CDKAL1: variants seen among roughly 807,000 people sequenced by gnomAD.
CDKAL1 encodes the protein threonylcarbamoyladenosine tRNA methylthiotransferase.
CDKAL1 carries 32 observed loss-of-function variants against 68.2 expected under a neutral mutation model. That is an observed-to-expected ratio of 0.47 (90% confidence interval 0.35 to 0.63). The LOEUF is 0.63. Ranked by LOEUF, CDKAL1 falls within the 30% of genes least tolerant of loss-of-function variation. The pLI is 0.00. For missense variants in CDKAL1, 606 were observed against 696.7 expected, an observed-to-expected ratio of 0.87 and a Z score of 1.47; for synonymous variants, 234 against 244.3, an observed-to-expected ratio of 0.96 and a Z score of 0.39.
At chr6:21,132,968 C>G (rs1775406609) in intron 13 of CDKAL1, among the ~76,000 whole-genome samples, 1 of 152,008 alleles carries the variant, frequency 6.6e-6, no homozygotes, top group Non-Finnish European at 1.5e-5. Flanking sequence ...CCTTGTGTTT[C>G]TATAGTTATT....
intron 13 of CDKAL1, among the ~76,000 whole-genome samples, chr6:21,186,463 A>C (rs1287855492): frequency 6.6e-6 from 1 of 152,170 alleles, no homozygotes; most frequent in African/African-American, 2.4e-5. Flanking sequence ...ACTGTTTTTT[A>C]TATGGTTGCT....
intron 4 of CDKAL1, among the ~76,000 whole-genome samples, chr6:20,606,097 C>G (rs972913662): frequency 2.0e-5 from 3 of 152,098 alleles, no homozygotes; most frequent in South Asian, 2.1e-4. Context: ...TCAGGGGTCA[C>G]TGTTCTGCAT....
At chr6:21,221,793 T>A (rs568405317) in intron 15 of CDKAL1, among the ~76,000 whole-genome samples, 1 of 152,314 alleles carries the variant, frequency 6.6e-6, no homozygotes, top group South Asian at 2.1e-4. Flanking sequence ...ACATGAGAAA[T>A]GTTTTGAAGC....
At position 20,851,595 on chromosome 6, in the gene CDKAL1, T is replaced by G. The variant is rs79663537; in HGVS notation, c.742+5417T>G. On this transcript the variant is annotated intron_variant, in intron 9 of 15. Coordinates refer to ENST00000274695, the MANE Select transcript of CDKAL1 (RefSeq NM_017774.3). Reference sequence around the variant, plus strand: ...CTCCCTCATAAATCTGAAAAGCCCCTGCAAGATAAGTGGCATAAACTGGTT... The same window carrying G: ...CTCCCTCATAAATCTGAAAAGCCCCGGCAAGATAAGTGGCATAAACTGGTT... Among the ~76,000 whole-genome samples the G allele has an allele frequency of 7.8e-3, 1,183 of 152,212 alleles. 12 individuals are homozygous for G. Among genetic ancestry groups the G allele is most frequent in the African/African-American group, 0.027 (1,131 of 41,520 alleles).
chr6:21,003,371 TACAC>T lies in CDKAL1; in HGVS notation c.1055+3015_1055+3018del, dbSNP rs55839331. Reference sequence around the variant, plus strand: ...ATATATATATATATATATATATATATACACACACACACACACACATATATACACA... The same window carrying T: ...ATATATATATATATATATATATATATACACACACACACACATATATACACA... On this transcript the variant is annotated intron_variant, in intron 11 of 15. Coordinates refer to ENST00000274695, the MANE Select transcript of CDKAL1 (RefSeq NM_017774.3). Among the ~76,000 whole-genome samples, 135 of 49,286 alleles carry T rather than the reference TACAC, an allele frequency of 2.7e-3. 1 individual carries two copies. The highest frequency in any genetic ancestry group is 7.2e-3 in the Admixed American group (25 of 3,480). The allele number at this position is 49,286 out of a possible 152,430, so 32.3% of individuals were successfully genotyped here.
chr6:21,075,889 T>C (rs1236466491), intron 12 of CDKAL1, among the ~76,000 whole-genome samples: 1 of 152,200 alleles, frequency 6.6e-6, no homozygotes, highest in Non-Finnish European at 1.5e-5. Flanking sequence ...ATCTTTATAT[T>C]AGGAGTCTTA....
intron 5 of CDKAL1, among the ~76,000 whole-genome samples, chr6:20,737,944 G>C (rs1177805772): frequency 6.6e-6 from 1 of 152,166 alleles, no homozygotes. Context: ...ATCACAAAGA[G>C]CCCAATTTTT....
chr6:20,905,084 A>G (rs1018104248), intron 9 of CDKAL1, among the ~76,000 whole-genome samples: 1 of 152,214 alleles, frequency 6.6e-6, no homozygotes, highest in South Asian at 2.1e-4. Flanking sequence ...ACTGAAAGGA[A>G]AAAATAAAAC....
chr6:21,025,103 G>C (rs1768886208), intron 11 of CDKAL1, among the ~76,000 whole-genome samples: 1 of 152,140 alleles, frequency 6.6e-6, no homozygotes, highest in Non-Finnish European at 1.5e-5. Flanking sequence ...AAATCCACTT[G>C]TCTGATATAA....
intron 12 of CDKAL1, among the ~76,000 whole-genome samples, chr6:21,071,889 A>G (rs781671268): frequency 2.6e-5 from 4 of 152,156 alleles, no homozygotes; most frequent in Non-Finnish European, 4.4e-5. Context: ...GTGTTTAACA[A>G]GTGACTCTCG....
chr6:20,793,028 A>G (rs1775962467), intron 8 of CDKAL1, among the ~76,000 whole-genome samples: 1 of 152,084 alleles, frequency 6.6e-6, no homozygotes, highest in Non-Finnish European at 1.5e-5. Context: ...GGTGTACAAC[A>G]TGTATGTCAT....
At chr6:21,004,782 G>A (rs1007801124) in intron 11 of CDKAL1, among the ~76,000 whole-genome samples, 4 of 151,780 alleles carry the variant, frequency 2.6e-5, no homozygotes, top group East Asian at 1.9e-4. Flanking sequence ...CTGTGAGACC[G>A]TATCTCTACA....
chr6:20,857,077 G>C (rs568777010), intron 9 of CDKAL1, among the ~76,000 whole-genome samples: 5 of 152,116 alleles, frequency 3.3e-5, no homozygotes, highest in African/African-American at 9.6e-5. Context: ...TTTGTTAGTG[G>C]GACCTTGGCT....
At chr6:21,226,987 G>C (rs1045662319) in intron 15 of CDKAL1, among the ~76,000 whole-genome samples, 2 of 152,338 alleles carry the variant, frequency 1.3e-5, no homozygotes, top group Non-Finnish European at 2.9e-5. Context: ...GATTGTAGGC[G>C]TGAGCCACCG....
intron 10 of CDKAL1, among the ~76,000 whole-genome samples, chr6:20,968,706 A>C (rs967936155): frequency 2.6e-5 from 4 of 151,688 alleles, no homozygotes; most frequent in African/African-American, 7.3e-5. Context: ...AGTAATTTTT[A>C]AATTTTAGTT....
Position 21,201,099 on chromosome 6 carries a change from ATG to A in CDKAL1, c.1384-7_1384-6del, listed in dbSNP as rs1253443656. ...TTTAAAAATTAAGCCTCTGAAACAA[ATG>A]TGTTTAAGGTTTTAGTGCCAAAGAA... On this transcript the variant is annotated splice_polypyrimidine_tract_variant and intron_variant, in intron 14 of 15. Coordinates refer to ENST00000274695, the MANE Select transcript of CDKAL1 (RefSeq NM_017774.3). The A allele has an allele frequency of 6.3e-7, 1 of 1,591,564 alleles. No homozygotes were observed. Among genetic ancestry groups the A allele is most frequent in the Non-Finnish European group, 8.6e-7 (1 of 1,164,970 alleles).
chr6:20,594,119 G>A (rs1329041323), intron 4 of CDKAL1, among the ~76,000 whole-genome samples: 9 of 152,224 alleles, frequency 5.9e-5, no homozygotes, highest in African/African-American at 2.2e-4. Context: ...TTTAGAGTAA[G>A]TGTGATGTGG....
At chr6:20,762,984 T>G (rs1774536104) in intron 7 of CDKAL1, among the ~76,000 whole-genome samples, 1 of 152,200 alleles carries the variant, frequency 6.6e-6, no homozygotes. Flanking sequence ...GCTTGATGTT[T>G]CTTATATATT....
chr6:21,174,505 A>G (rs1777506590), intron 13 of CDKAL1, among the ~76,000 whole-genome samples: 1 of 152,228 alleles, frequency 6.6e-6, no homozygotes, highest in South Asian at 2.1e-4. Flanking sequence ...AAGAGATTCA[A>G]TAAACACATG....
Sources: gnomAD v4.1 joint callset for allele counts (sites outside exome capture counted in the v4.1 genomes callset) on GRCh38, gnomAD v4.1.1 for gene constraint, MANE v1.5 for transcripts, NCBI Gene and HGNC (gene_info 2026-07-23, HGNC 2026-07-21) for gene names.